The following DISC1 variants were observed in gnomAD, a reference collection of about 807,000 sequenced individuals.
DISC1 encodes DISC1 scaffold protein.
A neutral mutation model predicts 84.5 loss-of-function variants in DISC1; 57 were observed. That is an observed-to-expected ratio of 0.67 (90% CI 0.55 to 0.84). The LOEUF (loss-of-function observed/expected upper bound fraction) is 0.84. DISC1 is among the 40% of genes least tolerant of loss of function. The pLI, the probability that DISC1 is intolerant of heterozygous loss-of-function variation, is 0.00. For synonymous variants in DISC1, 411 were observed against 415.2 expected (o/e 0.99, Z 0.12); for missense variants, 1,000 against 1,057.8 (o/e 0.95, Z 0.76).
chr1:231,650,324 C>T (rs980100201), intron 1 of DISC1, among the ~76,000 whole-genome samples: 1 of 152,146 alleles, frequency 6.6e-6, no homozygotes, highest in East Asian at 1.9e-4. Flanking sequence ...ACTTATGAAG[C>T]TTAGTTTGGC....
At position 231,827,052 on chromosome 1, in the gene DISC1, G is replaced by A. The variant is rs936895750; in HGVS notation, c.1981+8535G>A. Reference sequence around the variant, plus strand: ...TGCCAAGGCTGGAGTGCAGTGGCACGATCTTGGCTCACTGCAACCTCCACC... The same window carrying A: ...TGCCAAGGCTGGAGTGCAGTGGCACAATCTTGGCTCACTGCAACCTCCACC... On this transcript the variant is annotated intron_variant, in intron 9 of 12. Coordinates refer to ENST00000439617, the MANE Select transcript of DISC1 (RefSeq NM_018662.3). Among the ~76,000 whole-genome samples, 19 of 152,088 alleles carry A rather than the reference G, an allele frequency of 1.2e-4. No homozygotes were observed. The East Asian group carries it at 2.1e-3, about 17-fold the overall frequency.
intron 6 of DISC1, among the ~76,000 whole-genome samples, chr1:231,773,640 T>A (rs768348985): frequency 1.3e-5 from 2 of 152,104 alleles, no homozygotes; most frequent in Admixed American, 6.6e-5. Context: ...CTCCTTGGCC[T>A]CCCAAAGTGC....
At chr1:231,750,980 G>A (rs2074544970) in intron 4 of DISC1, among the ~76,000 whole-genome samples, 1 of 152,198 alleles carries the variant, frequency 6.6e-6, no homozygotes. Flanking sequence ...ATACCTCCCT[G>A]AAGCCTGCCT....
intron 9 of DISC1, among the ~76,000 whole-genome samples, chr1:231,838,823 G>A (rs116628980): frequency 0.015 from 2,294 of 152,276 alleles, 24 homozygotes; most frequent in South Asian, 0.023. Flanking sequence ...TCACCGCCTG[G>A]CCTCTCATTC....
intron 3 of DISC1, among the ~76,000 whole-genome samples, chr1:231,706,607 G>C (rs906327449): frequency 2.6e-5 from 4 of 152,276 alleles, no homozygotes; most frequent in Admixed American, 2.6e-4. Flanking sequence ...GCTTCACTCT[G>C]CTTGTTTAGA....
intron 9 of DISC1, among the ~76,000 whole-genome samples, chr1:231,914,071 G>C (rs1463090038): frequency 1.3e-5 from 2 of 152,188 alleles, no homozygotes; most frequent in Non-Finnish European, 2.9e-5. Flanking sequence ...GGCTGGCATG[G>C]CGAGTCCCTG....
intron 3 of DISC1, among the ~76,000 whole-genome samples, chr1:231,744,179 C>T (rs908070263): frequency 2.0e-5 from 3 of 152,022 alleles, no homozygotes; most frequent in African/African-American, 4.8e-5. Context: ...CTCATTATGA[C>T]GTAAAAAAGG....
intron 3 of DISC1, among the ~76,000 whole-genome samples, chr1:231,747,548 A>G (rs530943169): frequency 6.6e-6 from 1 of 152,312 alleles, no homozygotes; most frequent in East Asian, 1.9e-4. Flanking sequence ...ACCTTTGTCA[A>G]AAATCCAAAA....
In DISC1 at chr1:231,770,842, T is replaced by C. The variant is rs2076504744; in HGVS notation, c.1406T>C (p.Ile469Thr). The C allele has an allele frequency of 6.2e-7, 1 of 1,613,872 alleles. No individual in the cohort carries two copies. Among genetic ancestry groups the C allele is most frequent in the African/African-American group, 1.3e-5 (1 of 74,904 alleles). The change falls in exon 6 of 13, where the codon ATC becomes ACC. Residue 469 changes from isoleucine to threonine, a missense_variant. Around this residue, in one of 3 missense-constraint regions of DISC1, gnomAD observed 311 missense variants for 400.1 expected, o/e 0.78. Coordinates refer to ENST00000439617, the MANE Select transcript of DISC1 (RefSeq NM_018662.3). ...LQEKQQLQKE[I>T]EALQARMFVL... ...TCTCCTCATTCTCTACAGAAAGAAA[T>C]CGAAGCTCTCCAAGCAAGGATGTTT...
chr1:231,652,122 T>C (rs1382854129), intron 1 of DISC1, among the ~76,000 whole-genome samples: 1 of 152,028 alleles, frequency 6.6e-6, no homozygotes, highest in Non-Finnish European at 1.5e-5. Flanking sequence ...CCCAATGAGA[T>C]AAACAGGTAC....
intron 1 of DISC1, among the ~76,000 whole-genome samples, chr1:231,665,884 C>T (rs1240749869): frequency 1.3e-5 from 2 of 152,152 alleles, no homozygotes; most frequent in Admixed American, 6.5e-5. Context: ...TGCATCTCTC[C>T]TTCCCACTGC....
intron 9 of DISC1, chr1:231,866,664 G>A: frequency 1.3e-6 from 2 of 1,501,178 alleles, no homozygotes; most frequent in Non-Finnish European, 1.8e-6. Context: ...TAATTGAAAG[G>A]GCATTGAAGA....
intron 3 of DISC1, among the ~76,000 whole-genome samples, chr1:231,729,710 T>G (rs956388576): frequency 1.6e-5 from 2 of 127,686 alleles, no homozygotes; most frequent in Non-Finnish European, 1.8e-5. Context: ...TCCTCTAGGG[T>G]TTTTTTTTTT....
At chr1:231,974,349 A>G (rs1020928625) in intron 10 of DISC1, among the ~76,000 whole-genome samples, 28 of 152,204 alleles carry the variant, frequency 1.8e-4, no homozygotes, top group Non-Finnish European at 3.8e-4. Flanking sequence ...ACCTTTAAAA[A>G]TTAACATTAT....
Position 231,750,437 on chromosome 1 carries a change from A to G in DISC1, c.1268+361A>G, listed in dbSNP as rs914774223. On this transcript the variant is annotated intron_variant, in intron 4 of 12. Coordinates refer to ENST00000439617, the MANE Select transcript of DISC1 (RefSeq NM_018662.3). ...ATCATATTAAGCCTGTAAGATAAACAGATGGTCCCCTCTGACCGAGCGATG... is the reference window on the plus strand; with the variant it reads ...ATCATATTAAGCCTGTAAGATAAACGGATGGTCCCCTCTGACCGAGCGATG... 8 of 1,026,948 alleles carry G rather than the reference A, an allele frequency of 7.8e-6. No individual in the cohort carries two copies. In the African/African-American group the frequency reaches 1.4e-4, roughly 18 times the overall value. The allele number at this position is 1,026,948 out of a possible 1,614,324, so 63.6% of individuals were successfully genotyped here.
At chr1:231,780,714 T>C in intron 6 of DISC1, among the ~76,000 whole-genome samples, 1 of 93,558 alleles carries the variant, frequency 1.1e-5, no homozygotes, top group African/African-American at 4.2e-5. Context: ...TGCACACGTA[T>C]GTTTATTGCG....
At chr1:231,848,186 C>T (rs148946662) in intron 9 of DISC1, among the ~76,000 whole-genome samples, 392 of 152,244 alleles carry the variant, frequency 2.6e-3, no homozygotes, top group African/African-American at 8.3e-3. Flanking sequence ...GTATCAATGC[C>T]GCCTTTCTTC....
intron 9 of DISC1, among the ~76,000 whole-genome samples, chr1:231,869,425 G>A (rs538808050): frequency 1.3e-5 from 2 of 152,044 alleles, no homozygotes; most frequent in Non-Finnish European, 2.9e-5. Context: ...AATGAATAGC[G>A]TCTTAGTCCA....
In DISC1 at chr1:231,708,193, G is replaced by A. The variant is rs541739136; in HGVS notation, c.1117+6169G>A. Among the ~76,000 whole-genome samples the A allele has an allele frequency of 3.0e-4, 45 of 152,254 alleles. No individual in the cohort carries two copies. The South Asian group carries it at 5.0e-3, about 17-fold the overall frequency. ...GGTGTTTCTTTGAGGGTATTTCCGC[G>A]GAGATTAGTATGAGTCTGCGTGTAC... On this transcript the variant is annotated intron_variant, in intron 3 of 12. Coordinates refer to ENST00000439617, the MANE Select transcript of DISC1 (RefSeq NM_018662.3).
Sources: allele counts gnomAD v4.1 joint callset (sites outside exome capture counted in the v4.1 genomes callset), GRCh38; gene constraint gnomAD v4.1.1; regional missense constraint gnomAD v4.1.1; transcripts MANE v1.5; gene names NCBI Gene and HGNC (gene_info 2026-07-23, HGNC 2026-07-21).